TRDMT1: variants seen among roughly 807,000 people sequenced by gnomAD.
TRDMT1 encodes tRNA aspartic acid methyltransferase 1.
A neutral mutation model predicts 51.2 loss-of-function variants in TRDMT1; 49 were observed. That is an observed-to-expected ratio of 0.96 (90% CI 0.76 to 1.21). The LOEUF (loss-of-function observed/expected upper bound fraction) is 1.21. TRDMT1 is among the 50% of genes most tolerant of loss of function. The pLI, the probability that TRDMT1 is intolerant of heterozygous loss-of-function variation, is 0.00. For synonymous variants in TRDMT1, 187 were observed against 164.6 expected, an observed-to-expected ratio of 1.14 and a Z score of -1.04; for missense variants, 534 against 462.3, an observed-to-expected ratio of 1.16 and a Z score of -1.42.
At chr10:17,150,914 G>A (rs1311537544) in intron 10 of TRDMT1, 1 of 985,122 alleles carries the variant, frequency 1.0e-6, no homozygotes, top group African/African-American at 1.7e-5. Flanking sequence ...TCCCAGAGAT[G>A]ATCTTTTGCA....
At chr10:17,152,389 A>G (rs548428466) in intron 10 of TRDMT1, among the ~76,000 whole-genome samples, 2 of 152,326 alleles carry the variant, frequency 1.3e-5, no homozygotes, top group South Asian at 2.1e-4. Context: ...TTTGTTCCCT[A>G]TGTACAAAAT....
Position 17,153,579 on chromosome 10 carries a change from G to A in TRDMT1, c.1003C>T (p.Leu335=), listed in dbSNP as rs1333169782. 1.9e-6 allele frequency: 3 copies of A among 1,611,632 alleles called. No individual in the cohort carries two copies. The African/African-American group carries it at 4.0e-5, about 22-fold the overall frequency. ...NLSQEEQITK[L]LILKLRYFTP... ...AAATATCGCAGTTTAAGTATTAACA[G>A]CTTTGTTATCTGTTCTTCTTGTGAC... Residue 335 remains leucine (L), a synonymous_variant, in exon 10 of 11, where the codon CTG becomes TTG. Transcript: ENST00000377799.
intron 1 of TRDMT1, among the ~76,000 whole-genome samples, chr10:17,183,496 C>A (rs748151539): frequency 1.3e-5 from 2 of 152,182 alleles, no homozygotes; most frequent in Non-Finnish European, 2.9e-5. Context: ...CAGCTCACTG[C>A]AATCTCCACC....
In TRDMT1 at chr10:17,162,199, T is replaced by C. The variant is rs1840456766; in HGVS notation, c.290A>G (p.Asn97Ser). The change falls in exon 4 of 11, where the codon AAT becomes AGT. Residue 97 changes from asparagine to serine, a missense_variant. Physicochemically the swap from Asn to Ser is conservative, Grantham distance 46 (BLOSUM62 1). Transcript: ENST00000377799. ...RQGDMTDSRT[N>S]SFLHILDILP... is the part of the protein sequence containing the mutation. ...AATATCTAGAATATGTAAGAAGCTA[T>C]TCGTCCTTGAATCAGTCATATCACC... The C allele has an allele frequency of 6.2e-7, 1 of 1,609,036 alleles. No homozygotes were observed. The highest frequency in any genetic ancestry group is 1.4e-5 in the African/African-American group (1 of 73,998).
chr10:17,149,176 G>C (rs1398597339), intron 10 of TRDMT1, 36 bp from the exon 11 acceptor site: 1 of 1,520,110 alleles, frequency 6.6e-7, no homozygotes, highest in East Asian at 2.3e-5. Context: ...GAAATCATTT[G>C]TAATCACAAT....
Position 17,174,480 on chromosome 10 carries a change from C to A in TRDMT1, c.174+71G>T, listed in dbSNP as rs540613583. 23 of 1,001,920 alleles carry A rather than the reference C, an allele frequency of 2.3e-5. No homozygotes were observed. In the South Asian group the frequency reaches 3.3e-4, roughly 14 times the overall value. 62.1% of individuals were successfully genotyped at this position (1,001,920 alleles called of 1,614,324 possible). A position where few individuals can be genotyped will look rare whatever the true frequency, so the allele number is the denominator to read the frequency against. ...ATCTTCCAATTAAGACAACGGAAAC[C>A]AGTATTAGGCAGTGTTTTTCAATCA... On this transcript the variant is annotated intron_variant, in intron 2 of 10. Coordinates refer to ENST00000377799, the MANE Select transcript of TRDMT1 (RefSeq NM_004412.7).
chr10:17,157,493 G>A lies in TRDMT1; in HGVS notation c.835C>T (p.Leu279=). 20 of 1,613,968 alleles carry A rather than the reference G, an allele frequency of 1.2e-5. No homozygotes were observed. The highest frequency in any genetic ancestry group is 1.7e-5 in the Non-Finnish European group (20 of 1,179,868). Reference sequence around the variant, plus strand: ...CAAGTGGGCTGAACAATGTCTAACAGAAGAGCATATCGCAGCAATGACTTT... The same window carrying A: ...CAAGTGGGCTGAACAATGTCTAACAAAAGAGCATATCGCAGCAATGACTTT... ...PPKSLLRYAL[L]LDIVQPTCRR... The change falls in exon 8 of 11, where the codon CTG becomes TTG. Residue 279 remains leucine, a synonymous_variant. Coordinates refer to ENST00000377799, the MANE Select transcript of TRDMT1 (RefSeq NM_004412.7).
intron 8 of TRDMT1, among the ~76,000 whole-genome samples, chr10:17,155,494 GCTCT>G (rs1356737953): frequency 6.6e-6 from 1 of 152,062 alleles, no homozygotes; most frequent in African/African-American, 2.4e-5. Flanking sequence ...CCACCGCCCT[GCTCT>G]CTAACACCAC....
At chr10:17,194,124 A>G (rs182202341) in intron 1 of TRDMT1, among the ~76,000 whole-genome samples, 1 of 152,292 alleles carries the variant, frequency 6.6e-6, no homozygotes, top group African/African-American at 2.4e-5. Flanking sequence ...ATGAAACTAG[A>G]CCCCTACCTT....
At chr10:17,171,102 T>C (rs964765977) in intron 2 of TRDMT1, among the ~76,000 whole-genome samples, 5 of 119,858 alleles carry the variant, frequency 4.2e-5, no homozygotes, top group African/African-American at 9.2e-5. Context: ...GGTATGTTAC[T>C]GGATTTAGAT....
At position 17,148,419 on chromosome 10, in the gene TRDMT1, G is replaced by A; in HGVS notation, c.*621C>T. The A allele has an allele frequency of 1.0e-6, 1 of 985,404 alleles. No homozygotes were observed. The allele number at this position is 985,404 out of a possible 1,614,324, so 61.0% of individuals were successfully genotyped here. A position where few individuals can be genotyped will look rare whatever the true frequency, so the allele number is the denominator to read the frequency against. On this transcript the variant is annotated 3_prime_UTR_variant, in exon 11 of 11. Transcript: ENST00000377799. ...TTTTGTCCTTCAGATAGAGGCTGAG[G>A]AAAATGTAGATAATGTGCACCAACA... is the stretch of plus-strand genomic sequence containing the variant.
At chr10:17,182,614 T>A (rs1043969546) in intron 1 of TRDMT1, among the ~76,000 whole-genome samples, 1 of 152,036 alleles carries the variant, frequency 6.6e-6, no homozygotes, top group East Asian at 1.9e-4. Flanking sequence ...AGGTCAAGAG[T>A]CTTCAATTTG....
chr10:17,173,963 CTA>C (rs1402412977), intron 2 of TRDMT1, among the ~76,000 whole-genome samples: 1 of 152,052 alleles, frequency 6.6e-6, no homozygotes, highest in African/African-American at 2.4e-5. Context: ...CCAGGTTTTG[CTA>C]TGTCAGCCAG....
chr10:17,190,005 T>C (rs982439406), intron 1 of TRDMT1, among the ~76,000 whole-genome samples: 1 of 152,156 alleles, frequency 6.6e-6, no homozygotes, highest in African/African-American at 2.4e-5. Context: ...GCTGTTTTAC[T>C]TTACACAAAG....
chr10:17,141,568 A>C lies in TRDMT1; in HGVS notation c.*7472T>G, dbSNP rs539518487. Among the ~76,000 whole-genome samples, 1 of 152,184 alleles carries C rather than the reference A, an allele frequency of 6.6e-6. No individual in the cohort carries two copies. Among genetic ancestry groups the C allele is most frequent in the East Asian group, 1.9e-4 (1 of 5,176 alleles). The stretch of plus-strand genomic sequence containing the variant: ...CTACTTCTGGCACCCCAAACATATA[A>C]ATGTTGGTTCTTCTGTTATTGTCCC... On this transcript the variant is annotated 3_prime_UTR_variant, in exon 11 of 11. Coordinates refer to ENST00000377799, the MANE Select transcript of TRDMT1 (RefSeq NM_004412.7).
At chr10:17,194,946 AGTC>A (rs1564348476) in intron 1 of TRDMT1, among the ~76,000 whole-genome samples, 16 of 132,796 alleles carry the variant, frequency 1.2e-4, no homozygotes, top group Admixed American at 1.5e-4. Context: ...AAAAAAAAAA[AGTC>A]AAAAAAAAAA....
chr10:17,176,449 C>T (rs1842628640), intron 1 of TRDMT1, among the ~76,000 whole-genome samples: 2 of 152,108 alleles, frequency 1.3e-5, no homozygotes, highest in African/African-American at 4.8e-5. Context: ...CAAAAATCAA[C>T]TGCCAAATGA....
At chr10:17,180,776 A>G (rs558637544) in intron 1 of TRDMT1, among the ~76,000 whole-genome samples, 2 of 152,158 alleles carry the variant, frequency 1.3e-5, no homozygotes, top group Non-Finnish European at 2.9e-5. Flanking sequence ...ATTTCAAACT[A>G]CCTAGCAAAA....
At chr10:17,175,567 C>T (rs1173880411) in intron 1 of TRDMT1, among the ~76,000 whole-genome samples, 1 of 151,126 alleles carries the variant, frequency 6.6e-6, no homozygotes, top group Non-Finnish European at 1.5e-5. Context: ...AGAAAATCAT[C>T]AGAGAAAGCA....
Sources: gnomAD v4.1 joint callset for allele counts (sites outside exome capture counted in the v4.1 genomes callset) on GRCh38, gnomAD v4.1.1 for gene constraint, MANE v1.5 for transcripts, NCBI Gene and HGNC (gene_info 2026-07-23, HGNC 2026-07-21) for gene names.